The following TRIM3 variants were observed in gnomAD, a reference collection of about 807,000 sequenced individuals.
The protein encoded by TRIM3 is tripartite motif-containing protein 3.
A neutral mutation model predicts 66.6 loss-of-function variants in TRIM3; 13 were observed. That is an observed-to-expected ratio of 0.20 (90% CI 0.13 to 0.31). The LOEUF (loss-of-function observed/expected upper bound fraction) is 0.31, where lower values mean the gene tolerates loss of function less well. TRIM3 is among the 10% of genes least tolerant of loss of function. The pLI, the probability that TRIM3 is intolerant of heterozygous loss-of-function variation, is 1.00. For missense variants in TRIM3, 711 were observed against 1,020.4 expected (o/e 0.70, Z 4.13); for synonymous variants, 406 against 411.7 (o/e 0.99, Z 0.17).
intron 1 of TRIM3, among the ~76,000 whole-genome samples, chr11:6,467,238 C>G (rs1850505956): frequency 1.3e-5 from 2 of 151,974 alleles, no homozygotes; most frequent in Admixed American, 6.6e-5. Flanking sequence ...AACTTTTAAG[C>G]AGAATTCTGG....
chr11:6,456,810 G>C lies in TRIM3; in HGVS notation c.916C>G (p.Arg306Gly). The C allele has an allele frequency of 6.2e-7, 1 of 1,612,670 alleles. No homozygotes were observed. The highest frequency in any genetic ancestry group is 8.5e-7 in the Non-Finnish European group (1 of 1,179,970). The change falls in exon 6 of 12, where the codon CGG becomes GGG. Residue 306 changes from arginine to glycine, a missense_variant. Physicochemically the swap from Arg to Gly is moderately radical, Grantham distance 125. Around this residue, in one of 3 missense-constraint regions of TRIM3, gnomAD observed 399 missense variants for 458.1 expected, o/e 0.87. Coordinates refer to ENST00000345851, the MANE Select transcript of TRIM3 (RefSeq NM_033278.4). The surrounding 1 kb of genome is among the most constrained non-coding windows in gnomAD (Gnocchi z 6.4). Reference protein sequence around the residue: ...LELVLEVDGLRRSVLNLGALL... With the variant: ...LELVLEVDGLGRSVLNLGALL... The stretch of plus-strand genomic sequence containing the variant: ...GCGCCCAGATTGAGCACCGATCGCC[G>C]CAGACCGTCCACCTCAAGGACCAGT...
intron 1 of TRIM3, 116 bp downstream of exon 1, chr11:6,473,675 G>GCA (rs1850801921): frequency 6.6e-6 from 1 of 152,516 alleles, no homozygotes; most frequent in South Asian, 2.1e-4. Flanking sequence ...CCTCACGTGG[G>GCA]CAGAGAGAGG....
At position 6,457,144 on chromosome 11, in the gene TRIM3, A is replaced by C; in HGVS notation, c.697-115T>G. On this transcript the variant is annotated intron_variant, in intron 5 of 11. Coordinates refer to ENST00000345851, the MANE Select transcript of TRIM3 (RefSeq NM_033278.4). This position sits in a 1 kb window ranked among gnomAD's most constrained non-coding sequence, Gnocchi z 4.5. ...ACAAGAGGGTGCCTGTGGACAGAGG[A>C]CACAGATGCCCACAGCACCTACCGA... 2 of 1,508,568 alleles carry C rather than the reference A, an allele frequency of 1.3e-6. No homozygotes were observed. The highest frequency in any genetic ancestry group is 1.8e-6 in the Non-Finnish European group (2 of 1,119,126). 93.4% of individuals were successfully genotyped at this position (1,508,568 alleles called of 1,614,324 possible).
Position 6,450,438 on chromosome 11 carries a change from T to C in TRIM3, c.1941+113A>G, listed in dbSNP as rs886188370. On this transcript the variant is annotated intron_variant, in intron 10 of 11. Transcript: ENST00000345851. This position sits in a 1 kb window ranked among gnomAD's most constrained non-coding sequence, Gnocchi z 4.8. ...CCATGCATAAATGTGTAAATGTGTA[T>C]TGTTTGAGTGAATGATCTCAAAGGG... 30 of 927,714 alleles carry C rather than the reference T, an allele frequency of 3.2e-5. No individual in the cohort carries two copies. The highest frequency in any genetic ancestry group is 4.7e-5 in the Non-Finnish European group (27 of 573,816). 57.5% of individuals were successfully genotyped at this position (927,714 alleles called of 1,614,324 possible).
At chr11:6,467,100 G>C (rs1187480728) in intron 1 of TRIM3, among the ~76,000 whole-genome samples, 1 of 152,168 alleles carries the variant, frequency 6.6e-6, no homozygotes, top group Non-Finnish European at 1.5e-5. Flanking sequence ...CTGTCCCTGT[G>C]GTGGGGAGGT....
At chr11:6,454,432 G>A (rs1849881060) in intron 7 of TRIM3, among the ~76,000 whole-genome samples, 1 of 151,092 alleles carries the variant, frequency 6.6e-6, no homozygotes, top group Non-Finnish European at 1.5e-5. Flanking sequence ...CCCTCACCAG[G>A]ACAGACAAAG....
chr11:6,457,859 G>T lies in TRIM3; in HGVS notation c.364-12C>A. ...TAAAACTCCATCGTCTGCGGTACAA[G>T]GACTCCAGTCGGGTAATGGCTAGAC... On this transcript the variant is annotated splice_polypyrimidine_tract_variant and intron_variant, in intron 3 of 11. Transcript: ENST00000345851. The surrounding 1 kb of genome is among the most constrained non-coding windows in gnomAD (Gnocchi z 4.5). 3.1e-6 allele frequency: 5 copies of T among 1,614,052 alleles called. No homozygotes were observed. Among genetic ancestry groups the T allele is most frequent in the Non-Finnish European group, 3.4e-6 (4 of 1,179,940 alleles).
In TRIM3 at chr11:6,456,537, C is replaced by G; in HGVS notation, c.1189G>C (p.Glu397Gln). The stretch of plus-strand genomic sequence containing the variant: ...TAGAGCAGCACCGAGAGGAGCAGCT[C>G]GCCTTCCGTGCGCGCTGTGTACACT... ...ELVYTARTEG[E>Q]LLLSVLLYGQ... Residue 397 changes from glutamate (E) to glutamine (Q), a missense_variant, in exon 6 of 12, where the codon GAG becomes CAG. By Grantham distance (29) the Glu-to-Gln change is conservative. This residue lies in a region of TRIM3 where 399 missense variants were observed against 458.1 expected (regional missense o/e 0.87). Coordinates refer to ENST00000345851, the MANE Select transcript of TRIM3 (RefSeq NM_033278.4). The surrounding 1 kb of genome is among the most constrained non-coding windows in gnomAD (Gnocchi z 6.4). The G allele has an allele frequency of 6.3e-7, 1 of 1,595,412 alleles. No individual in the cohort carries two copies. Among genetic ancestry groups the G allele is most frequent in the Non-Finnish European group, 8.6e-7 (1 of 1,166,208 alleles).
At chr11:6,464,427 A>G (rs1243378674) in intron 2 of TRIM3, among the ~76,000 whole-genome samples, 1 of 152,170 alleles carries the variant, frequency 6.6e-6, no homozygotes, top group Non-Finnish European at 1.5e-5. Context: ...ACCTTCCCTG[A>G]TTCTCCAAAC....
rs1452241613 is a variant in TRIM3, at chr11:6,471,726, A to G, written c.-38+2065T>C. Among the ~76,000 whole-genome samples, 4 of 152,240 alleles carry G rather than the reference A, an allele frequency of 2.6e-5. No individual in the cohort carries two copies. In the East Asian group the frequency reaches 7.7e-4, roughly 29 times the overall value. ...TCAAATTGCTACAGCAGCAAACTGG[A>G]GGAAGTACCTAACTCTGAGGATGGT... is the stretch of plus-strand genomic sequence containing the variant. On this transcript the variant is annotated intron_variant, in intron 1 of 11. Transcript: ENST00000345851.
chr11:6,464,881 G>A (rs187767587), intron 2 of TRIM3, among the ~76,000 whole-genome samples: 67 of 151,368 alleles, frequency 4.4e-4, no homozygotes, highest in South Asian at 4.0e-3. Context: ...CAGCTACTCC[G>A]GAGGCTGAGG....
intron 1 of TRIM3, among the ~76,000 whole-genome samples, chr11:6,468,671 C>T (rs1850563603): frequency 6.6e-6 from 1 of 152,116 alleles, no homozygotes; most frequent in Non-Finnish European, 1.5e-5. Flanking sequence ...GAAGCCACGT[C>T]AGAGTGACTG....
chr11:6,473,934 C>G lies in TRIM3; in HGVS notation c.-181G>C, dbSNP rs1850819969. 6.6e-6 allele frequency: 1 copy of G among 151,912 alleles called. No individual in the cohort carries two copies. The highest frequency in any genetic ancestry group is 2.1e-4 in the South Asian group (1 of 4,868). The allele number at this position is 151,912 out of a possible 1,614,324, so 9.4% of individuals were successfully genotyped here. A position where few individuals can be genotyped will look rare whatever the true frequency, so the allele number is the denominator to read the frequency against. On this transcript the variant is annotated 5_prime_UTR_variant, in exon 1 of 12. Coordinates refer to ENST00000345851, the MANE Select transcript of TRIM3 (RefSeq NM_033278.4). ...CGCGCCGGCGCCGCCGCCGGACTAG[C>G]CGCACAGGCCGGAGGGAGGGGCCGG... is the stretch of plus-strand genomic sequence containing the variant.
chr11:6,450,014 A>T lies in TRIM3; in HGVS notation c.1941+537T>A, dbSNP rs1321602890. 1.3e-5 allele frequency: 2 copies of T among 159,772 alleles called. No homozygotes were observed. The highest frequency in any genetic ancestry group is 4.8e-5 in the African/African-American group (2 of 41,508). The allele number at this position is 159,772 out of a possible 1,614,324, so 9.9% of individuals were successfully genotyped here. On this transcript the variant is annotated intron_variant, in intron 10 of 11. Transcript: ENST00000345851. This position sits in a 1 kb window ranked among gnomAD's most constrained non-coding sequence, Gnocchi z 4.8. ...TCTTGGGAGGAGAGCAAGCCCCTTA[A>T]GGGGGCACACAAGCCTCACTCTCAG...
chr11:6,460,040 G>C (rs572348620), intron 2 of TRIM3, among the ~76,000 whole-genome samples: 2 of 152,356 alleles, frequency 1.3e-5, no homozygotes, highest in East Asian at 3.9e-4. Context: ...AGTGATAAGA[G>C]AGAGGGACAG....
rs937945297 is a variant in TRIM3 at position 6,456,435 on chromosome 11, C to A, written c.1291G>T (p.Val431Leu). The change falls in exon 6 of 12, where the codon GTG becomes TTG. Residue 431 changes from valine to leucine, a missense_variant. By Grantham distance (32) the Val-to-Leu change is conservative. Transcript: ENST00000345851. This position sits in a 1 kb window ranked among gnomAD's most constrained non-coding sequence, Gnocchi z 6.4. ...PGDLPPSPDD[V>L]KRRVKSPGGP... Reference sequence around the variant, plus strand: ...CCAGGGGACTTGACACGGCGCTTCACATCGTCCGGGGAAGGTGGCAGGTCC... The same window carrying A: ...CCAGGGGACTTGACACGGCGCTTCAAATCGTCCGGGGAAGGTGGCAGGTCC... 6 of 1,533,736 alleles carry A rather than the reference C, an allele frequency of 3.9e-6. No homozygotes were observed. Among genetic ancestry groups the A allele is most frequent in the Non-Finnish European group, 4.4e-6 (5 of 1,138,482 alleles).
Position 6,457,585 on chromosome 11 carries a change from CTCCCTGAGACT to C in TRIM3, c.515+100_515+110del. The C allele has an allele frequency of 6.5e-7, 1 of 1,550,072 alleles. No individual in the cohort carries two copies. The highest frequency in any genetic ancestry group is 8.7e-7 in the Non-Finnish European group (1 of 1,144,796). On this transcript the variant is annotated intron_variant, in intron 4 of 11. Coordinates refer to ENST00000345851, the MANE Select transcript of TRIM3 (RefSeq NM_033278.4). This position sits in a 1 kb window ranked among gnomAD's most constrained non-coding sequence, Gnocchi z 4.5. The stretch of plus-strand genomic sequence containing the variant: ...CTCATGGAGATCTCCTTCCTGAGAC[CTCCCTGAGACT>C]TCCATCTCTGCCCTTCCCAGACCCT...
rs747763244 is a variant in TRIM3, at chr11:6,456,196, G to GA, written c.1430-22dup. 2.5e-6 allele frequency: 4 copies of GA among 1,612,880 alleles called. No homozygotes were observed. The African/African-American group carries it at 5.3e-5, about 22-fold the overall frequency. On this transcript the variant is annotated intron_variant, in intron 6 of 11. Transcript: ENST00000345851. This position sits in a 1 kb window ranked among gnomAD's most constrained non-coding sequence, Gnocchi z 6.4. The stretch of plus-strand genomic sequence containing the variant: ...ACTGCCTGTGGGAAGGGACAGGAGG[G>GA]AAAACAAAATAATTCATTCAGAGGT...
intron 7 of TRIM3, among the ~76,000 whole-genome samples, chr11:6,455,230 C>A (rs1245536851): frequency 6.6e-6 from 1 of 150,502 alleles, no homozygotes; most frequent in Non-Finnish European, 1.5e-5. Flanking sequence ...TTAACACTCC[C>A]CGCAACCCTA....
Sources: gnomAD v4.1 joint callset for allele counts (sites outside exome capture counted in the v4.1 genomes callset) on GRCh38, gnomAD v4.1.1 for gene constraint, gnomAD v4.1.1 regional missense constraint, Gnocchi (gnomAD v3.1) non-coding constraint, MANE v1.5 for transcripts, NCBI Gene and HGNC (gene_info 2026-07-23, HGNC 2026-07-21) for gene names.